The following TRPM3 variants were observed in gnomAD, a reference collection of about 807,000 sequenced individuals.
TRPM3 encodes transient receptor potential cation channel subfamily M member 3.
A neutral mutation model predicts 181.2 loss-of-function variants in TRPM3; 77 were observed. The ratio of observed to expected loss-of-function variants is 0.42; its 90% CI spans 0.35 to 0.51. The LOEUF (loss-of-function observed/expected upper bound fraction) is 0.51. Ranked by LOEUF, TRPM3 falls within the 20% of genes least tolerant of loss-of-function variation. The pLI, the probability that TRPM3 is intolerant of heterozygous loss-of-function variation, is 0.01. For missense variants in TRPM3, 1,759 were observed against 2,196.7 expected (o/e 0.80, Z 3.98); for synonymous variants, 745 against 796.4 (o/e 0.94, Z 1.09).
intron 1 of TRPM3, among the ~76,000 whole-genome samples, chr9:71,150,886 A>G (rs2075698378): frequency 6.6e-6 from 1 of 152,188 alleles, no homozygotes; most frequent in Admixed American, 6.6e-5. Flanking sequence ...CTGTTGCACT[A>G]AAAGATCAAT....
intron 1 of TRPM3, among the ~76,000 whole-genome samples, chr9:71,018,184 C>T (rs1482009516): frequency 1.3e-5 from 2 of 150,648 alleles, no homozygotes; most frequent in Non-Finnish European, 3.0e-5. Flanking sequence ...AGCTGTACTT[C>T]CAGAGAAAAT....
At chr9:71,016,402 T>C (rs534475183) in intron 1 of TRPM3, among the ~76,000 whole-genome samples, 80 of 152,218 alleles carry the variant, frequency 5.3e-4, no homozygotes, top group Non-Finnish European at 1.1e-3. Context: ...AGTAAAATCA[T>C]GTATCCAACA....
At chr9:70,925,401 A>C (rs2096711011) in intron 1 of TRPM3, among the ~76,000 whole-genome samples, 1 of 152,122 alleles carries the variant, frequency 6.6e-6, no homozygotes, top group Non-Finnish European at 1.5e-5. Flanking sequence ...ATAGAAGTAA[A>C]TGTTTTAGGG....
intron 22 of TRPM3, among the ~76,000 whole-genome samples, chr9:70,587,233 T>C (rs1194049062): frequency 2.0e-5 from 3 of 152,198 alleles, no homozygotes; most frequent in South Asian, 4.1e-4. Context: ...GTTTTGGACA[T>C]TCTGCTTTCA....
intron 1 of TRPM3, among the ~76,000 whole-genome samples, chr9:71,316,553 A>G (rs1381346882): frequency 1.3e-5 from 2 of 152,176 alleles, no homozygotes; most frequent in African/African-American, 4.8e-5. Flanking sequence ...TGTCTGAGAT[A>G]AAAGTGAGAG....
intron 1 of TRPM3, among the ~76,000 whole-genome samples, chr9:71,374,702 T>A (rs921367472): frequency 3.3e-5 from 5 of 152,132 alleles, no homozygotes; most frequent in African/African-American, 4.8e-5. Context: ...AAAACCCCAT[T>A]GTCTCAGCCC....
intron 1 of TRPM3, among the ~76,000 whole-genome samples, chr9:71,291,040 A>G (rs1219419497): frequency 6.6e-6 from 1 of 152,212 alleles, no homozygotes; most frequent in Non-Finnish European, 1.5e-5. Flanking sequence ...CCAAATATAT[A>G]CTATTAACGA....
chr9:71,196,422 TTATC>T (rs2078367972), intron 1 of TRPM3, among the ~76,000 whole-genome samples: 3 of 151,958 alleles, frequency 2.0e-5, no homozygotes, highest in Non-Finnish European at 4.4e-5. Flanking sequence ...TAAATTGTAT[TTATC>T]TATATTGTCC....
rs148113757 is a variant in TRPM3, at chr9:70,923,949, C to T, written c.178-59438G>A. ...ACACACATATATACATATATATATA[C>T]ACACACACACATATATATATACACA... On this transcript the variant is annotated intron_variant, in intron 1 of 25. Transcript: ENST00000677713. 2.2e-3 allele frequency among the ~76,000 whole-genome samples: 331 copies of T among 149,146 alleles called. 2 individuals carry two copies. The highest frequency in any genetic ancestry group is 7.7e-3 in the African/African-American group (316 of 40,854).
chr9:70,766,926 A>G (rs2135380716), intron 7 of TRPM3, among the ~76,000 whole-genome samples: 1 of 152,378 alleles, frequency 6.6e-6, no homozygotes, highest in Non-Finnish European at 1.5e-5. Context: ...CTATAATAGT[A>G]CTTATCTCAT....
chr9:70,583,341 T>G (rs748447248), intron 22 of TRPM3, among the ~76,000 whole-genome samples: 7 of 152,230 alleles, frequency 4.6e-5, no homozygotes, highest in Non-Finnish European at 8.8e-5. Context: ...TCAGGCTACA[T>G]GGTGTTTCTG....
chr9:70,677,085 C>T lies in TRPM3; in HGVS notation c.1345+4421G>A, dbSNP rs577506258. The stretch of plus-strand genomic sequence containing the variant: ...GGGACTTGACTCCAGAGGCAGGGCT[C>T]GGACACTGGACCAAAGTGAGAACTA... On this transcript the variant is annotated intron_variant, in intron 9 of 25. Transcript: ENST00000677713. 3.9e-5 allele frequency among the ~76,000 whole-genome samples: 6 copies of T among 152,084 alleles called. 1 individual carries two copies. Among genetic ancestry groups the T allele is most frequent in the African/African-American group, 1.2e-4 (5 of 41,508 alleles).
Position 71,255,977 on chromosome 9 carries a change from C to T in TRPM3, c.183+190676G>A, listed in dbSNP as rs977905888. On this transcript the variant is annotated intron_variant, in intron 1 of 24. Transcript: ENST00000357533. ...GTGGTTAAATCAAAAGAAAAAAAAT[C>T]GATTTATTGCTTCTCCTTTGATCTG... Among the ~76,000 whole-genome samples, 5 of 152,120 alleles carry T rather than the reference C, an allele frequency of 3.3e-5. No individual in the cohort carries two copies. In the South Asian group the frequency reaches 6.2e-4, roughly 19 times the overall value.
intron 1 of TRPM3, among the ~76,000 whole-genome samples, chr9:71,443,831 A>C (rs1461808538): frequency 6.6e-6 from 1 of 152,162 alleles, no homozygotes; most frequent in Non-Finnish European, 1.5e-5. Context: ...AACTCTCCTT[A>C]CTAAAGAAAA....
chr9:71,086,703 T>C (rs1402355163), intron 1 of TRPM3, among the ~76,000 whole-genome samples: 1 of 152,008 alleles, frequency 6.6e-6, no homozygotes, highest in Admixed American at 6.6e-5. Flanking sequence ...TTGCAGAAGC[T>C]GAAAACTGTG....
At chr9:71,346,138 A>G (rs1230188512) in intron 1 of TRPM3, among the ~76,000 whole-genome samples, 4 of 152,224 alleles carry the variant, frequency 2.6e-5, no homozygotes, top group Non-Finnish European at 4.4e-5. Context: ...CTACCAACAG[A>G]TATGTGGATA....
At chr9:71,065,792 A>C (rs1427652143) in intron 1 of TRPM3, among the ~76,000 whole-genome samples, 1 of 152,186 alleles carries the variant, frequency 6.6e-6, no homozygotes, top group African/African-American at 2.4e-5. Flanking sequence ...CACAGAGTCT[A>C]ATTTGCACAC....
chr9:70,828,061 A>G, intron 5 of TRPM3, 43 bp from the exon 6 acceptor site: 2 of 1,566,766 alleles, frequency 1.3e-6, no homozygotes, highest in South Asian at 1.2e-5. Flanking sequence ...AGAAAAAAAG[A>G]ACACAAGATA....
At chr9:70,904,486 A>G (rs1019410806) in intron 1 of TRPM3, among the ~76,000 whole-genome samples, 1 of 152,198 alleles carries the variant, frequency 6.6e-6, no homozygotes, top group African/African-American at 2.4e-5. Context: ...AGCTTGGGGA[A>G]GAGTGCAAAG....
Sources: gnomAD v4.1 joint callset for allele counts (sites outside exome capture counted in the v4.1 genomes callset) on GRCh38, gnomAD v4.1.1 for gene constraint, MANE v1.5 for transcripts, NCBI Gene and HGNC (gene_info 2026-07-23, HGNC 2026-07-21) for gene names.